PDS5B: variants seen among roughly 807,000 people sequenced by gnomAD.
PDS5B encodes the protein PDS5 cohesin associated factor B.
A neutral mutation model predicts 184.1 loss-of-function variants in PDS5B; 51 were observed. That is an observed-to-expected ratio of 0.28 (90% CI 0.22 to 0.35). PDS5B has a LOEUF of 0.35. Ranked by LOEUF, PDS5B falls within the 10% of genes least tolerant of loss-of-function variation. The pLI is 1.00. For missense variants in PDS5B, 1,180 were observed against 1,723.3 expected, an observed-to-expected ratio of 0.68 and a Z score of 5.58; for synonymous variants, 566 against 569.2, an observed-to-expected ratio of 0.99 and a Z score of 0.08.
At chr13:32,631,137 A>C (rs1169170287) in intron 1 of PDS5B, among the ~76,000 whole-genome samples, 1 of 120,476 alleles carries the variant, frequency 8.3e-6, no homozygotes. Context: ...TTTTTTTGAG[A>C]TGGGGTCTCA....
intron 8 of PDS5B, 63 bp downstream of exon 8, chr13:32,673,419 C>T (rs375059688): frequency 2.2e-6 from 3 of 1,389,080 alleles, no homozygotes. Flanking sequence ...TTATTTATAG[C>T]TTTTTAATTT....
At chr13:32,603,499 C>T (rs2058010709) in intron 1 of PDS5B, among the ~76,000 whole-genome samples, 1 of 152,134 alleles carries the variant, frequency 6.6e-6, no homozygotes, top group African/African-American at 2.4e-5. Flanking sequence ...GTTACTGTAG[C>T]CTTGTAGTAT....
intron 1 of PDS5B, among the ~76,000 whole-genome samples, chr13:32,595,366 G>T (rs1476730906): frequency 6.6e-6 from 1 of 151,754 alleles, no homozygotes; most frequent in Admixed American, 6.6e-5. Context: ...AAGTAAGACG[G>T]CAAAAAGGAA....
chr13:32,612,707 C>T (rs1172120488), intron 1 of PDS5B, among the ~76,000 whole-genome samples: 1 of 152,164 alleles, frequency 6.6e-6, no homozygotes, highest in Non-Finnish European at 1.5e-5. Context: ...TTAGTTATCA[C>T]AGGAGTGGAT....
At chr13:32,765,595 T>G (rs1472973625) in intron 31 of PDS5B, among the ~76,000 whole-genome samples, 2 of 152,156 alleles carry the variant, frequency 1.3e-5, no homozygotes, top group African/African-American at 4.8e-5. Flanking sequence ...GAATTATTCT[T>G]TTTTGTTTTG....
chr13:32,705,474 T>C (rs1226583873), intron 17 of PDS5B, among the ~76,000 whole-genome samples: 3 of 152,328 alleles, frequency 2.0e-5, no homozygotes, highest in East Asian at 3.9e-4. Context: ...GGGACAGATA[T>C]ATTTAACTCC....
At chr13:32,628,055 G>GA (rs1337549141) in intron 1 of PDS5B, among the ~76,000 whole-genome samples, 1 of 151,842 alleles carries the variant, frequency 6.6e-6, no homozygotes, top group Non-Finnish European at 1.5e-5. Flanking sequence ...AGTTTTAAGG[G>GA]AAAAAAATGT....
chr13:32,607,893 T>C (rs370721478), intron 1 of PDS5B, among the ~76,000 whole-genome samples: 49 of 152,322 alleles, frequency 3.2e-4, no homozygotes, highest in African/African-American at 1.2e-3. Flanking sequence ...GTGTGCCGTT[T>C]GCTAAGACCT....
chr13:32,699,161 T>G (rs1296351122), intron 15 of PDS5B, among the ~76,000 whole-genome samples: 1 of 152,200 alleles, frequency 6.6e-6, no homozygotes, highest in Non-Finnish European at 1.5e-5. Flanking sequence ...ATAGACACAT[T>G]AGCAGAATAG....
At chr13:32,683,188 T>A (rs1241665242) in intron 10 of PDS5B, among the ~76,000 whole-genome samples, 4 of 152,030 alleles carry the variant, frequency 2.6e-5, no homozygotes, top group Admixed American at 2.6e-4. Flanking sequence ...AATTTTTTTG[T>A]ATTTTTAGTA....
intron 18 of PDS5B, among the ~76,000 whole-genome samples, chr13:32,708,946 A>G (rs570567751): frequency 6.6e-6 from 1 of 152,246 alleles, no homozygotes; most frequent in South Asian, 2.1e-4. Flanking sequence ...ATTAAATTGA[A>G]TATTAAAAAT....
At chr13:32,604,989 A>G (rs2058037861) in intron 1 of PDS5B, among the ~76,000 whole-genome samples, 1 of 151,998 alleles carries the variant, frequency 6.6e-6, no homozygotes, top group African/African-American at 2.4e-5. Flanking sequence ...TCTTGCTAGC[A>G]GTCTATGAAT....
chr13:32,775,082 A>G lies in PDS5B; in HGVS notation c.*30A>G. The G allele has an allele frequency of 7.7e-7, 1 of 1,306,026 alleles. No individual in the cohort carries two copies. Among genetic ancestry groups the G allele is most frequent in the Non-Finnish European group, 1.1e-6 (1 of 929,438 alleles). 80.9% of individuals were successfully genotyped at this position (1,306,026 alleles called of 1,614,324 possible). On this transcript the variant is annotated 3_prime_UTR_variant, in exon 35 of 35. Coordinates refer to ENST00000315596, the MANE Select transcript of PDS5B (RefSeq NM_015032.4). Reference sequence around the variant, plus strand: ...ATGTAATTAATAACTTTCTCTGTGAAAGCTTTGGAAAAATCTTTTTTTTTT... The same window carrying G: ...ATGTAATTAATAACTTTCTCTGTGAGAGCTTTGGAAAAATCTTTTTTTTTT...
chr13:32,744,483 C>A (rs1953675688), intron 23 of PDS5B, among the ~76,000 whole-genome samples: 1 of 152,042 alleles, frequency 6.6e-6, no homozygotes, highest in Non-Finnish European at 1.5e-5. Context: ...TGTGTTTACA[C>A]CTTAAACTTT....
At chr13:32,693,935 C>T (rs576399030) in intron 13 of PDS5B, among the ~76,000 whole-genome samples, 1 of 151,690 alleles carries the variant, frequency 6.6e-6, no homozygotes, top group Non-Finnish European at 1.5e-5. Context: ...TTTCATCCTT[C>T]CTGCTACAAC....
At chr13:32,724,023 A>G (rs527567799) in intron 19 of PDS5B, among the ~76,000 whole-genome samples, 22 of 152,336 alleles carry the variant, frequency 1.4e-4, no homozygotes, top group Admixed American at 3.9e-4. Context: ...TTTGAAGGCA[A>G]ATCCCAGATA....
At chr13:32,650,424 T>G (rs1003883587) in intron 2 of PDS5B, 2 of 152,232 alleles carry the variant, frequency 1.3e-5, no homozygotes, top group Non-Finnish European at 2.9e-5. Context: ...AATACCCATG[T>G]AAGTTTTATA....
chr13:32,760,478 A>C (rs1954346276), intron 29 of PDS5B, 97 bp from the exon 30 acceptor site: 2 of 1,131,848 alleles, frequency 1.8e-6, no homozygotes, highest in Non-Finnish European at 2.5e-6. Context: ...ATGATTTGTA[A>C]GTAAATACTT....
intron 17 of PDS5B, among the ~76,000 whole-genome samples, chr13:32,703,181 G>T (rs956469383): frequency 1.3e-5 from 2 of 152,118 alleles, no homozygotes; most frequent in African/African-American, 4.8e-5. Flanking sequence ...AGTTTAATGT[G>T]AAACTATGAG....
Sources: gnomAD v4.1 joint callset for allele counts (sites outside exome capture counted in the v4.1 genomes callset) on GRCh38, gnomAD v4.1.1 for gene constraint, MANE v1.5 for transcripts, NCBI Gene and HGNC (gene_info 2026-07-23, HGNC 2026-07-21) for gene names.